The following CRISPLD2 variants were observed in gnomAD, a reference collection of about 807,000 sequenced individuals.
The protein encoded by CRISPLD2 is cysteine-rich secretory protein LCCL domain-containing 2.
CRISPLD2 carries 47 observed loss-of-function variants against 71.1 expected under a neutral mutation model. That is an observed-to-expected ratio of 0.66 (90% CI 0.52 to 0.84). The LOEUF (loss-of-function observed/expected upper bound fraction) is 0.84. Ranked by LOEUF, CRISPLD2 falls within the 40% of genes least tolerant of loss-of-function variation. CRISPLD2 has a pLI of 0.00. For missense variants in CRISPLD2, 830 were observed against 651.1 expected, an observed-to-expected ratio of 1.27 and a Z score of -2.99; for synonymous variants, 317 against 250.1, an observed-to-expected ratio of 1.27 and a Z score of -2.52.
chr16:84,863,696 G>A (rs561381814), intron 6 of CRISPLD2, among the ~76,000 whole-genome samples: 14 of 152,292 alleles, frequency 9.2e-5, no homozygotes, highest in South Asian at 6.2e-4. Flanking sequence ...ATGGCCGGGC[G>A]CGGTGGCTCA....
intron 5 of CRISPLD2, among the ~76,000 whole-genome samples, chr16:84,853,711 A>G (rs1917153362): frequency 6.6e-6 from 1 of 152,248 alleles, no homozygotes; most frequent in Non-Finnish European, 1.5e-5. Context: ...TCCCCGCACA[A>G]GCCTGTGGAT....
intron 8 of CRISPLD2, among the ~76,000 whole-genome samples, chr16:84,872,230 C>T (rs1239602543): frequency 6.6e-6 from 1 of 152,166 alleles, no homozygotes; most frequent in African/African-American, 2.4e-5. Flanking sequence ...TGGAACCAAT[C>T]CCCCACGGAT....
At chr16:84,858,735 A>G (rs530511148) in intron 6 of CRISPLD2, among the ~76,000 whole-genome samples, 5 of 152,372 alleles carry the variant, frequency 3.3e-5, no homozygotes, top group African/African-American at 7.2e-5. Context: ...CAATAAAGAT[A>G]CATTGCTGGC....
chr16:84,873,893 G>GTTTT, intron 10 of CRISPLD2, 27 bp from the exon 11 acceptor site: 117 of 1,419,250 alleles, frequency 8.2e-5, no homozygotes, highest in South Asian at 1.9e-4. Flanking sequence ...CCTAATGCCC[G>GTTTT]TTTTTTTTTT....
At chr16:84,879,609 A>G (rs149561284) in intron 12 of CRISPLD2, among the ~76,000 whole-genome samples, 3,066 of 151,332 alleles carry the variant, frequency 0.02, 103 homozygotes, top group African/African-American at 0.071. Context: ...TGATCCACCC[A>G]CCTCGGCCTC....
At chr16:84,874,297 G>A (rs1425274341) in intron 11 of CRISPLD2, among the ~76,000 whole-genome samples, 1 of 152,168 alleles carries the variant, frequency 6.6e-6, no homozygotes, top group Admixed American at 6.5e-5. Context: ...CTGGAGTGTT[G>A]TGTTAAGAAG....
intron 12 of CRISPLD2, 120 bp from the exon 13 acceptor site, chr16:84,880,389 T>C (rs1043464242): frequency 7.2e-6 from 5 of 691,038 alleles, no homozygotes; most frequent in Middle Eastern, 2.6e-4. Flanking sequence ...TGAGGAAAAC[T>C]GTATGGCGGT....
intron 11 of CRISPLD2, 46 bp downstream of exon 11, chr16:84,874,009 C>G: frequency 6.6e-7 from 1 of 1,520,258 alleles, no homozygotes; most frequent in Non-Finnish European, 8.9e-7. Context: ...TGGGTTATCT[C>G]AGATTTTCCT....
chr16:84,823,558 G>A (rs1349386072), intron 1 of CRISPLD2, among the ~76,000 whole-genome samples: 1 of 152,184 alleles, frequency 6.6e-6, no homozygotes, highest in East Asian at 1.9e-4. Context: ...GTGTTGGCGT[G>A]CCACCTGGGT....
intron 6 of CRISPLD2, among the ~76,000 whole-genome samples, chr16:84,856,818 G>C (rs1337141247): frequency 1.3e-5 from 2 of 152,196 alleles, no homozygotes; most frequent in Non-Finnish European, 2.9e-5. Context: ...AATTCCATGA[G>C]CATGAGCCCA....
intron 13 of CRISPLD2, among the ~76,000 whole-genome samples, chr16:84,885,239 T>A (rs2071602150): frequency 6.6e-6 from 1 of 150,556 alleles, no homozygotes; most frequent in African/African-American, 2.4e-5. Context: ...TGAGCTTAAT[T>A]GTGTTCGCTT....
intron 12 of CRISPLD2, among the ~76,000 whole-genome samples, chr16:84,878,036 C>A (rs1214053464): frequency 2.0e-5 from 3 of 147,534 alleles, no homozygotes; most frequent in Non-Finnish European, 4.5e-5. Flanking sequence ...CGGTGAAACC[C>A]CGTCTCTACT....
chr16:84,860,594 C>T (rs746855051), intron 6 of CRISPLD2, among the ~76,000 whole-genome samples: 11 of 152,128 alleles, frequency 7.2e-5, no homozygotes, highest in Non-Finnish European at 1.0e-4. Context: ...CTGACCGCAG[C>T]GTGGGTCGGG....
At chr16:84,823,835 T>G (rs1051104382) in intron 1 of CRISPLD2, among the ~76,000 whole-genome samples, 2 of 152,168 alleles carry the variant, frequency 1.3e-5, no homozygotes, top group African/African-American at 4.8e-5. Flanking sequence ...AATTATAAAT[T>G]ATGAAATCCC....
intron 14 of CRISPLD2, among the ~76,000 whole-genome samples, chr16:84,905,112 C>T (rs1015365825): frequency 6.6e-6 from 1 of 152,106 alleles, no homozygotes; most frequent in African/African-American, 2.4e-5. Context: ...GAGACTCCAT[C>T]TGTACAAAAA....
intron 11 of CRISPLD2, among the ~76,000 whole-genome samples, chr16:84,875,605 G>A (rs112493852): frequency 0.053 from 7,989 of 151,296 alleles, 719 homozygotes; most frequent in African/African-American, 0.19. Context: ...CGCCCAGCCT[G>A]GAGTGCAGTG....
chr16:84,896,347 C>T (rs1030861365), intron 14 of CRISPLD2, among the ~76,000 whole-genome samples: 1 of 151,886 alleles, frequency 6.6e-6, no homozygotes, highest in Non-Finnish European at 1.5e-5. Flanking sequence ...CCGTGCCCAG[C>T]CAGGATTGGA....
intron 14 of CRISPLD2, among the ~76,000 whole-genome samples, chr16:84,899,777 G>A (rs2071737432): frequency 6.6e-6 from 1 of 152,134 alleles, no homozygotes; most frequent in Non-Finnish European, 1.5e-5. Context: ...ACGGCAGCCT[G>A]AATGGTTCCC....
chr16:84,872,931 G>A, intron 9 of CRISPLD2, 61 bp from the exon 10 acceptor site: 4 of 1,548,924 alleles, frequency 2.6e-6, no homozygotes, highest in Non-Finnish European at 3.5e-6. Flanking sequence ...GGGTATTTCT[G>A]GTGAAACTTG....
Sources: allele counts gnomAD v4.1 joint callset (sites outside exome capture counted in the v4.1 genomes callset), GRCh38; gene constraint gnomAD v4.1.1; transcripts MANE v1.5; gene names NCBI Gene and HGNC (gene_info 2026-07-23, HGNC 2026-07-21).